Variants in PALM observed in about 807,000 individuals in gnomAD.
The protein encoded by PALM is paralemmin.
In PALM, 18 loss-of-function variants were observed where a neutral mutation model predicts 30.7. The ratio of observed to expected loss-of-function variants is 0.59; its 90% CI spans 0.41 to 0.87. The LOEUF (loss-of-function observed/expected upper bound fraction) is 0.87. PALM is among the 40% of genes least tolerant of loss of function. The pLI is 0.00. For missense variants in PALM, 529 were observed against 555.4 expected, an observed-to-expected ratio of 0.95 and a Z score of 0.48; for synonymous variants, 286 against 242.8, an observed-to-expected ratio of 1.18 and a Z score of -1.66.
At chr19:726,875 C>T (rs1044303221) in intron 2 of PALM, 133 bp from the exon 3 acceptor site, 11 of 634,406 alleles carry the variant, frequency 1.7e-5, no homozygotes, top group Non-Finnish European at 2.5e-5. Flanking sequence ...TCCGCTGTCA[C>T]CTGGAAGCCA....
At position 719,366 on chromosome 19, in the gene PALM, A is replaced by G. The variant is rs565630043; in HGVS notation, c.6-6772A>G. Reference sequence around the variant, plus strand: ...TGAACTCATCTCCTGGAGCAGGACTATCTCACGCGCTCCAGACGACGCCCT... The same window carrying G: ...TGAACTCATCTCCTGGAGCAGGACTGTCTCACGCGCTCCAGACGACGCCCT... On this transcript the variant is annotated intron_variant, in intron 1 of 8. Coordinates refer to ENST00000338448, the MANE Select transcript of PALM (RefSeq NM_002579.3). 1.0e-4 allele frequency: 102 copies of G among 985,462 alleles called. No homozygotes were observed. In the South Asian group the frequency reaches 4.2e-3, roughly 40 times the overall value. The allele number at this position is 985,462 out of a possible 1,614,324, so 61.0% of individuals were successfully genotyped here.
At chr19:731,879 C>A (rs147695765) in intron 5 of PALM, among the ~76,000 whole-genome samples, 4 of 151,820 alleles carry the variant, frequency 2.6e-5, no homozygotes, top group African/African-American at 9.7e-5. Flanking sequence ...CCAGGCTGGT[C>A]CCAAACTCCT....
intron 1 of PALM, among the ~76,000 whole-genome samples, chr19:716,033 T>C (rs1480053254): frequency 6.6e-6 from 1 of 151,950 alleles, no homozygotes; most frequent in African/African-American, 2.4e-5. Context: ...CAAGCAGAAA[T>C]TCAGGGACAG....
chr19:709,390 C>A lies in PALM; in HGVS notation c.5+239C>A, dbSNP rs1211540875. 6.6e-6 allele frequency among the ~76,000 whole-genome samples: 1 copy of A among 151,530 alleles called. No individual in the cohort carries two copies. The highest frequency in any genetic ancestry group is 6.6e-5 in the Admixed American group (1 of 15,222). On this transcript the variant is annotated intron_variant, in intron 1 of 8. Coordinates refer to ENST00000338448, the MANE Select transcript of PALM (RefSeq NM_002579.3). The surrounding 1 kb of genome is among the most constrained non-coding windows in gnomAD (Gnocchi z 4.3). ...GCCCACCCACCGGCGCGTGGGGACC[C>A]GGGCAGCGGCGGCTCGGGCCAGTCC...
At position 728,482 on chromosome 19, in the gene PALM, G is replaced by A. The variant is rs552337634; in HGVS notation, c.269+788G>A. ...TGAAGAAAGCACGTTGGGGGTGTTCGGGATGGACTTCCCTCCTGGGCAGGG... is the reference window on the plus strand; with the variant it reads ...TGAAGAAAGCACGTTGGGGGTGTTCAGGATGGACTTCCCTCCTGGGCAGGG... On this transcript the variant is annotated intron_variant, in intron 4 of 8. Transcript: ENST00000338448. Among the ~76,000 whole-genome samples, 39 of 152,312 alleles carry A rather than the reference G, an allele frequency of 2.6e-4. 1 individual carries two copies. Among genetic ancestry groups the A allele is most frequent in the East Asian group, 7.7e-4 (4 of 5,180 alleles).
chr19:715,348 C>A (rs1431446933), intron 1 of PALM, among the ~76,000 whole-genome samples: 6 of 152,062 alleles, frequency 3.9e-5, no homozygotes, highest in South Asian at 2.1e-4. Flanking sequence ...ATCTAGGAAA[C>A]CTGTCATTTG....
Position 746,566 on chromosome 19 carries a change from C to A in PALM, c.916C>A (p.Gln306Lys), listed in dbSNP as rs1203989094. The change falls in exon 9 of 9, where the codon CAG becomes AAG. Residue 306 changes from glutamine to lysine, a missense_variant. By Grantham distance (53) the Gln-to-Lys change is moderately conservative (BLOSUM62 1). Transcript: ENST00000338448. The surrounding 1 kb of genome is among the most constrained non-coding windows in gnomAD (Gnocchi z 7.1). ...GGTCACAATGATCTTCATGGGTTAC[C>A]AGAACGTGGAGGATGAGGCCGAGAC... is the stretch of plus-strand genomic sequence containing the variant. Reference protein sequence around the residue: ...PPVTMIFMGYQNVEDEAETKK... With the variant: ...PPVTMIFMGYKNVEDEAETKK... 1 of 1,613,474 alleles carries A rather than the reference C, an allele frequency of 6.2e-7. No homozygotes were observed. Among genetic ancestry groups the A allele is most frequent in the Admixed American group, 1.7e-5 (1 of 60,022 alleles).
rs111562599 is a variant in PALM at position 726,748 on chromosome 19, C to T, written c.58-260C>T. ...GAACTCCTGAACTCAAGTGATCCTCCCGCCTTGGCCTCCCAAAGTGCTGGG... is the reference window on the plus strand; with the variant it reads ...GAACTCCTGAACTCAAGTGATCCTCTCGCCTTGGCCTCCCAAAGTGCTGGG... On this transcript the variant is annotated intron_variant, in intron 2 of 8. Coordinates refer to ENST00000338448, the MANE Select transcript of PALM (RefSeq NM_002579.3). Among the ~76,000 whole-genome samples the T allele has an allele frequency of 9.3e-3, 1,413 of 152,324 alleles. 28 individuals carry two copies. The highest frequency in any genetic ancestry group is 0.033 in the African/African-American group (1,361 of 41,572).
intron 7 of PALM, among the ~76,000 whole-genome samples, chr19:736,773 G>A: frequency 6.6e-6 from 1 of 152,222 alleles, no homozygotes; most frequent in East Asian, 1.9e-4. Context: ...CAGAGGGCCG[G>A]GCGTGGTGGC....
At chr19:723,849 G>A (rs537823161) in intron 1 of PALM, among the ~76,000 whole-genome samples, 3 of 152,256 alleles carry the variant, frequency 2.0e-5, no homozygotes, top group South Asian at 2.1e-4. Context: ...GCTCGCATCG[G>A]CCTCCCAGAG....
At position 731,165 on chromosome 19, in the gene PALM, G is replaced by A. The variant is rs117990313; in HGVS notation, c.340G>A (p.Ala114Thr). 7 of 1,609,304 alleles carry A rather than the reference G, an allele frequency of 4.3e-6. No individual in the cohort carries two copies. The Admixed American group carries it at 8.4e-5, about 19-fold the overall frequency. The change falls in exon 5 of 9, where the codon GCC becomes ACC. Residue 114 changes from alanine (A) to threonine (T), a missense_variant. Coordinates refer to ENST00000338448, the MANE Select transcript of PALM (RefSeq NM_002579.3). ...APATAKENAA[A>T]PSPVRAPAPS... ...AGCCACTGCCAAGGAGAACGCGGCG[G>A]CCCCGAGCCCAGTCCGGGCCCCAGC...
At chr19:724,526 G>A (rs1198246534) in intron 1 of PALM, among the ~76,000 whole-genome samples, 1 of 152,030 alleles carries the variant, frequency 6.6e-6, no homozygotes, top group Admixed American at 6.6e-5. Flanking sequence ...TCACCATGTT[G>A]GGCAGGCTGG....
intron 5 of PALM, among the ~76,000 whole-genome samples, chr19:732,361 G>A (rs1487075366): frequency 6.6e-6 from 1 of 152,194 alleles, no homozygotes; most frequent in Non-Finnish European, 1.5e-5. Context: ...GGAGTCGGCT[G>A]TTAATTCTGG....
chr19:731,995 C>T (rs1393166148), intron 5 of PALM, among the ~76,000 whole-genome samples: 1 of 152,066 alleles, frequency 6.6e-6, no homozygotes, highest in Admixed American at 6.6e-5. Context: ...GTTTTTGACA[C>T]AGGGTCTCAC....
At chr19:740,115 C>A (rs1179709362) in intron 7 of PALM, among the ~76,000 whole-genome samples, 2 of 152,182 alleles carry the variant, frequency 1.3e-5, no homozygotes, top group African/African-American at 4.8e-5. Flanking sequence ...GCAGGATGGG[C>A]CTCAAATGCC....
At chr19:710,143 C>G (rs1370522213) in intron 1 of PALM, among the ~76,000 whole-genome samples, 1 of 152,168 alleles carries the variant, frequency 6.6e-6, no homozygotes, top group Non-Finnish European at 1.5e-5. Flanking sequence ...GGACCGAAGA[C>G]CGGATCTGGA....
At chr19:715,742 C>G (rs913314252) in intron 1 of PALM, among the ~76,000 whole-genome samples, 2 of 152,136 alleles carry the variant, frequency 1.3e-5, no homozygotes, top group Admixed American at 1.3e-4. Context: ...AGGAGCAAGT[C>G]ATGGCCAAGC....
chr19:726,666 C>T (rs991299019), intron 2 of PALM, among the ~76,000 whole-genome samples: 4 of 152,152 alleles, frequency 2.6e-5, no homozygotes, highest in Non-Finnish European at 5.9e-5. Flanking sequence ...CGACGCTGGG[C>T]TAATTGTTGT....
intron 5 of PALM, among the ~76,000 whole-genome samples, chr19:732,703 A>C (rs1045404541): frequency 7.9e-5 from 12 of 151,726 alleles, no homozygotes; most frequent in African/African-American, 2.9e-4. Flanking sequence ...AAAAAAAAAA[A>C]CCTGGTTCTG....
Sources: gnomAD v4.1 joint callset for allele counts (sites outside exome capture counted in the v4.1 genomes callset) on GRCh38, gnomAD v4.1.1 for gene constraint, Gnocchi (gnomAD v3.1) non-coding constraint, MANE v1.5 for transcripts, NCBI Gene and HGNC (gene_info 2026-07-23, HGNC 2026-07-21) for gene names.